KPNB1: variants seen among roughly 807,000 people sequenced by gnomAD.
KPNB1 encodes the protein importin subunit beta-1.
A neutral mutation model predicts 113.0 loss-of-function variants in KPNB1; 7 were observed. The ratio of observed to expected loss-of-function variants is 0.06; its 90% confidence interval spans 0.04 to 0.12. KPNB1 has a LOEUF of 0.12. KPNB1 is among the 10% of genes least tolerant of loss of function. KPNB1 has a pLI of 1.00. For missense variants in KPNB1, 400 were observed against 1,054.8 expected (o/e 0.38, Z 8.60); for synonymous variants, 363 against 378.6 (o/e 0.96, Z 0.48).
In KPNB1 at chr17:47,677,043, A is replaced by G. The variant is rs1279329564; in HGVS notation, c.2019A>G (p.Leu673=). 6.2e-7 allele frequency: 1 copy of G among 1,613,936 alleles called. No individual in the cohort carries two copies. The highest frequency in any genetic ancestry group is 1.7e-5 in the Admixed American group (1 of 59,962). Residue 673 remains leucine, a synonymous_variant, in exon 17 of 22, where the codon TTA becomes TTG. Transcript: ENST00000290158. ...EYQVCLAAVG[L]VGDLCRALQS... ...AGGTTTGTTTGGCAGCTGTGGGCTT[A>G]GTGGGAGACTTGTGCCGTGCCCTGC...
rs1217791737 is a variant in KPNB1 at position 47,683,148 on chromosome 17, GGTTTTGTTTT to G, written c.*750_*759del. On this transcript the variant is annotated 3_prime_UTR_variant, in exon 22 of 22. Transcript: ENST00000290158. ...ACACACAGAGGAAAGACGCTCTTTA[GGTTTTGTTTT>G]GTTTTTTTTTTTTGGTTTTGTTTTT... The G allele has an allele frequency of 7.2e-6, 1 of 139,468 alleles. No homozygotes were observed. The highest frequency in any genetic ancestry group is 2.3e-4 in the South Asian group (1 of 4,298). 8.6% of individuals were successfully genotyped at this position (139,468 alleles called of 1,614,324 possible).
chr17:47,661,127 G>A lies in KPNB1; in HGVS notation c.645G>A (p.Arg215=). The stretch of plus-strand genomic sequence containing the variant: ...TTTTATTCCTCCTACAGTCTGAAAG[G>A]CACTTTATTATGCAGGTGGTCTGTG... ...TKANFDKESE[R]HFIMQVVCEA... is the part of the protein sequence containing the mutation. The change falls in exon 6 of 22, where the codon AGG becomes AGA. Residue 215 remains arginine, a synonymous_variant. Coordinates refer to ENST00000290158, the MANE Select transcript of KPNB1 (RefSeq NM_002265.6). 1.2e-6 allele frequency: 2 copies of A among 1,612,212 alleles called. No individual in the cohort carries two copies. The highest frequency in any genetic ancestry group is 1.7e-6 in the Non-Finnish European group (2 of 1,178,288).
chr17:47,676,807 C>CTTTTTTTTTTTTTTTTTTTTTT (rs10649330), intron 16 of KPNB1, among the ~76,000 whole-genome samples: 1 of 116,258 alleles, frequency 8.6e-6, no homozygotes, highest in Non-Finnish European at 1.7e-5. Flanking sequence ...GAGAGCAAGG[C>CTTTTTTTTTTTTTTTTTTTTTT]TTTTTTTTTT....
intron 4 of KPNB1, among the ~76,000 whole-genome samples, chr17:47,657,623 T>G (rs1679927372): frequency 6.6e-6 from 1 of 152,238 alleles, no homozygotes; most frequent in African/African-American, 2.4e-5. Flanking sequence ...TCCTTGGCCT[T>G]GGCCCTTAAA....
chr17:47,674,069 A>G (rs929882217), intron 14 of KPNB1, among the ~76,000 whole-genome samples: 27 of 152,210 alleles, frequency 1.8e-4, no homozygotes, highest in African/African-American at 6.0e-4. Flanking sequence ...TCACTTGGCT[A>G]AAAATAAAGC....
At chr17:47,660,246 A>G (rs895589890) in intron 5 of KPNB1, among the ~76,000 whole-genome samples, 4 of 152,200 alleles carry the variant, frequency 2.6e-5, no homozygotes, top group Admixed American at 1.3e-4. Flanking sequence ...TTTACTTAGT[A>G]TGATGTCCTC....
intron 2 of KPNB1, 105 bp from the exon 3 acceptor site, chr17:47,652,589 T>A (rs1377575076): frequency 7.5e-6 from 6 of 803,776 alleles, no homozygotes; most frequent in Non-Finnish European, 3.7e-6. Flanking sequence ...TAGACATTAG[T>A]TCCCCCCCTC....
intron 4 of KPNB1, among the ~76,000 whole-genome samples, 183 bp from the exon 5 acceptor site, chr17:47,658,325 G>A (rs2029970260): frequency 6.6e-6 from 1 of 152,134 alleles, no homozygotes. Flanking sequence ...TTGGTATACT[G>A]TATTAAGGGA....
chr17:47,677,227 A>G, intron 17 of KPNB1, 100 bp downstream of exon 17: 1 of 951,470 alleles, frequency 1.1e-6, no homozygotes, highest in South Asian at 1.5e-5. Flanking sequence ...AGTGGCCTGT[A>G]ATCCCAGCAT....
chr17:47,674,898 C>T, intron 15 of KPNB1, 116 bp downstream of exon 15: 1 of 1,079,378 alleles, frequency 9.3e-7, no homozygotes, highest in South Asian at 1.6e-5. Flanking sequence ...CGCACTGCAG[C>T]CTTGAAATCG....
In KPNB1 at chr17:47,675,398, T is replaced by C. The variant is rs1193858376; in HGVS notation, c.1912+616T>C. Among the ~76,000 whole-genome samples the C allele has an allele frequency of 2.8e-5, 4 of 142,068 alleles. No homozygotes were observed. The East Asian group carries it at 6.3e-4, about 22-fold the overall frequency. The allele number at this position is 142,068 out of a possible 152,430, so 93.2% of individuals were successfully genotyped here. A position where few individuals can be genotyped will look rare whatever the true frequency, so the allele number is the denominator to read the frequency against. The stretch of plus-strand genomic sequence containing the variant: ...TTTTTTTTTTTTGTTTGTTTTTTTT[T>C]TGAGACTTGTTCTGTTGCCCAGGAT... On this transcript the variant is annotated intron_variant, in intron 15 of 21. Coordinates refer to ENST00000290158, the MANE Select transcript of KPNB1 (RefSeq NM_002265.6).
At chr17:47,676,295 C>T (rs1207536707) in intron 15 of KPNB1, 114 bp from the exon 16 acceptor site, 1 of 764,930 alleles carries the variant, frequency 1.3e-6, no homozygotes, top group African/African-American at 1.7e-5. Context: ...GCACATTTCA[C>T]CCAACCTGTT....
At chr17:47,650,493 G>A (rs772617766) in intron 2 of KPNB1, 49 bp downstream of exon 2, 2 of 1,551,074 alleles carry the variant, frequency 1.3e-6, no homozygotes, top group Admixed American at 1.8e-5. Context: ...CATCCCCTGC[G>A]TGCGGGGCCT....
At chr17:47,675,387 T>TTTTTTTTTTTTTTTTC (rs1790136117) in intron 15 of KPNB1, among the ~76,000 whole-genome samples, 1 of 106,468 alleles carries the variant, frequency 9.4e-6, no homozygotes, top group Admixed American at 8.5e-5. Flanking sequence ...TTTTTTTTGT[T>TTTTTTTTTTTTTTTTC]TGTTTTTTTT....
At position 47,676,507 on chromosome 17, in the gene KPNB1, C is replaced by T; in HGVS notation, c.1995+16C>T. 1 of 1,576,518 alleles carries T rather than the reference C, an allele frequency of 6.3e-7. No homozygotes were observed. The highest frequency in any genetic ancestry group is 8.7e-7 in the Non-Finnish European group (1 of 1,145,740). The stretch of plus-strand genomic sequence containing the variant: ...TGAATACCAGGTAGGATGTGCTTTT[C>T]AAAATAGTATGTTCCCATTTATATC... On this transcript the variant is annotated intron_variant, in intron 16 of 21. Transcript: ENST00000290158.
chr17:47,675,361 G>GTTTTTGTTTTTTTTTTTTTTTTTTTTT (rs2030568124), intron 15 of KPNB1, among the ~76,000 whole-genome samples: 9 of 88,692 alleles, frequency 1.0e-4, no homozygotes, highest in East Asian at 8.7e-4. Flanking sequence ...CAGAGGTGTT[G>GTTTTTGTTTTTTTTTTTTTTTTTTTTT]TTTTTTTTTT....
chr17:47,667,705 G>A lies in KPNB1; in HGVS notation c.1000-481G>A, dbSNP rs551656264. Among the ~76,000 whole-genome samples, 7 of 151,606 alleles carry A rather than the reference G, an allele frequency of 4.6e-5. No individual in the cohort carries two copies. The East Asian group carries it at 1.2e-3, about 25-fold the overall frequency. ...CCTGAGTAGCTGGGACTACAGGCACGTGCCACCACACCCAGCTAATTTTTG... is the reference window on the plus strand; with the variant it reads ...CCTGAGTAGCTGGGACTACAGGCACATGCCACCACACCCAGCTAATTTTTG... On this transcript the variant is annotated intron_variant, in intron 9 of 21. Coordinates refer to ENST00000290158, the MANE Select transcript of KPNB1 (RefSeq NM_002265.6).
At chr17:47,680,351 T>TCA (rs778406288) in intron 20 of KPNB1, among the ~76,000 whole-genome samples, 157 bp from the exon 21 acceptor site, 33 of 152,228 alleles carry the variant, frequency 2.2e-4, no homozygotes, top group Non-Finnish European at 3.5e-4. Flanking sequence ...TAAACTCTGA[T>TCA]GTTGGTCAAC....
chr17:47,664,484 C>T (rs991171721), intron 8 of KPNB1, among the ~76,000 whole-genome samples: 2 of 152,026 alleles, frequency 1.3e-5, no homozygotes, highest in African/African-American at 2.4e-5. Context: ...CATGATTGAT[C>T]GTAAATAGTG....
Sources: gnomAD v4.1 joint callset for allele counts (sites outside exome capture counted in the v4.1 genomes callset) on GRCh38, gnomAD v4.1.1 for gene constraint, MANE v1.5 for transcripts, NCBI Gene and HGNC (gene_info 2026-07-23, HGNC 2026-07-21) for gene names.